Variants in CCSER1 observed in about 807,000 individuals in gnomAD.
CCSER1 encodes the protein serine-rich coiled-coil domain-containing protein 1.
A neutral mutation model predicts 82.0 loss-of-function variants in CCSER1; 41 were observed. That is an observed-to-expected ratio of 0.50 (90% CI 0.39 to 0.65). The LOEUF is 0.65. Ranked by LOEUF, CCSER1 falls within the 30% of genes least tolerant of loss-of-function variation. The pLI is 0.00. For synonymous variants in CCSER1, 414 were observed against 383.9 expected, an observed-to-expected ratio of 1.08 and a Z score of -0.92; for missense variants, 1,119 against 1,064.2, an observed-to-expected ratio of 1.05 and a Z score of -0.72.
intron 10 of CCSER1, among the ~76,000 whole-genome samples, chr4:91,196,120 G>T (rs75246632): frequency 2.0e-5 from 3 of 150,916 alleles, no homozygotes; most frequent in Non-Finnish European, 4.4e-5. Flanking sequence ...CCGGGAGGCG[G>T]AGCTTGCAGT....
intron 10 of CCSER1, among the ~76,000 whole-genome samples, chr4:91,363,859 G>T (rs1462113773): frequency 6.6e-6 from 1 of 151,670 alleles, no homozygotes; most frequent in Non-Finnish European, 1.5e-5. Flanking sequence ...ATTACTTTTA[G>T]TTTGAGGTTT....
chr4:91,342,564 A>G (rs1249185862), intron 10 of CCSER1, among the ~76,000 whole-genome samples: 4 of 152,110 alleles, frequency 2.6e-5, no homozygotes, highest in Admixed American at 2.6e-4. Flanking sequence ...CTGGCATATC[A>G]TGTTCTGTGT....
At position 91,200,251 on chromosome 4, in the gene CCSER1, A is replaced by T. The variant is rs180969951; in HGVS notation, c.2217+114257A>T. On this transcript the variant is annotated intron_variant, in intron 10 of 10. Coordinates refer to ENST00000509176, the MANE Select transcript of CCSER1 (RefSeq NM_001145065.2). ...TCAAATTATTTTATATTTAACAAATAAAGTTATATGTTATTGATTATTTAA... is the reference window on the plus strand; with the variant it reads ...TCAAATTATTTTATATTTAACAAATTAAGTTATATGTTATTGATTATTTAA... Among the ~76,000 whole-genome samples, 5 of 152,248 alleles carry T rather than the reference A, an allele frequency of 3.3e-5. No individual in the cohort carries two copies. The East Asian group carries it at 9.6e-4, about 29-fold the overall frequency.
In CCSER1 at chr4:91,225,198, A is replaced by C. The variant is rs60150057; in HGVS notation, c.2217+139204A>C. On this transcript the variant is annotated intron_variant, in intron 10 of 10. Transcript: ENST00000509176. ...TGTATATATGTATATAATTATATAT[A>C]ATATATATAATATATAATTGTATAC... is the stretch of plus-strand genomic sequence containing the variant. Among the ~76,000 whole-genome samples, 895 of 142,538 alleles carry C rather than the reference A, an allele frequency of 6.3e-3. 12 individuals are homozygous for C. The highest frequency in any genetic ancestry group is 0.021 in the African/African-American group (832 of 39,384). The allele number at this position is 142,538 out of a possible 152,430, so 93.5% of individuals were successfully genotyped here.
chr4:90,864,841 C>A (rs1179880972), intron 8 of CCSER1, among the ~76,000 whole-genome samples: 5 of 152,006 alleles, frequency 3.3e-5, no homozygotes, highest in African/African-American at 1.2e-4. Flanking sequence ...TATGCTATGT[C>A]TAGCATTCTT....
At chr4:91,269,101 T>C (rs1741833648) in intron 10 of CCSER1, among the ~76,000 whole-genome samples, 1 of 152,230 alleles carries the variant, frequency 6.6e-6, no homozygotes, top group Non-Finnish European at 1.5e-5. Context: ...CTGTACACTG[T>C]CTGGTTTGAT....
chr4:90,395,636 A>G (rs532523393), intron 3 of CCSER1, among the ~76,000 whole-genome samples: 2 of 148,192 alleles, frequency 1.3e-5, no homozygotes, highest in African/African-American at 4.9e-5. Context: ...TTACAATTAA[A>G]CTCTACTTGC....
intron 1 of CCSER1, among the ~76,000 whole-genome samples, chr4:90,265,092 C>T (rs557408131): frequency 7.9e-5 from 12 of 151,768 alleles, no homozygotes; most frequent in East Asian, 3.9e-4. Context: ...TTTAATTTTG[C>T]GAGATACAGA....
At chr4:91,545,268 G>T (rs56390334) in intron 10 of CCSER1, among the ~76,000 whole-genome samples, 7,937 of 152,096 alleles carry the variant, frequency 0.052, 228 homozygotes, top group Middle Eastern at 0.078. Flanking sequence ...CTGACCCCTT[G>T]CACTTCCTGG....
intron 8 of CCSER1, among the ~76,000 whole-genome samples, chr4:90,896,714 G>T (rs570101949): frequency 5.3e-4 from 80 of 151,956 alleles, no homozygotes; most frequent in African/African-American, 1.8e-3. Context: ...TTTATTTCTA[G>T]TGACATTTTT....
intron 10 of CCSER1, among the ~76,000 whole-genome samples, chr4:91,142,497 G>T (rs1729134422): frequency 6.6e-6 from 1 of 152,054 alleles, no homozygotes; most frequent in South Asian, 2.1e-4. Context: ...TTTTGTTTTT[G>T]TTGTGATTGC....
intron 7 of CCSER1, among the ~76,000 whole-genome samples, chr4:90,796,581 T>C (rs1756072916): frequency 1.3e-5 from 2 of 152,140 alleles, no homozygotes; most frequent in Non-Finnish European, 2.9e-5. Context: ...TGTTAGGTTG[T>C]TAACTTGAGA....
chr4:91,603,238 T>G lies in CCSER1; in HGVS notation c.*4181T>G, dbSNP rs979802058. ...AAAACAGCTCTCTTCTTTAATAATA[T>G]TCATCATTGCCAAATGTTTATTTTT... On this transcript the variant is annotated 3_prime_UTR_variant, in exon 11 of 11. Transcript: ENST00000509176. The G allele has an allele frequency of 6.6e-6, 1 of 152,132 alleles. No individual in the cohort carries two copies. The highest frequency in any genetic ancestry group is 1.5e-5 in the Non-Finnish European group (1 of 67,990). 9.4% of individuals were successfully genotyped at this position (152,132 alleles called of 1,614,324 possible).
intron 10 of CCSER1, among the ~76,000 whole-genome samples, chr4:91,186,797 C>G (rs9994334): frequency 0.93 from 142,200 of 152,342 alleles, 66,434 homozygotes; most frequent in African/African-American, 0.96. Flanking sequence ...GCAGGTGCAT[C>G]TCCTTAAGGC....
chr4:90,715,755 T>A (rs1260274556), intron 6 of CCSER1, among the ~76,000 whole-genome samples: 1 of 152,060 alleles, frequency 6.6e-6, no homozygotes, highest in Non-Finnish European at 1.5e-5. Context: ...CTTATGTGGA[T>A]GTGTATACTG....
chr4:90,745,771 G>C (rs1261604730), intron 7 of CCSER1, among the ~76,000 whole-genome samples: 2 of 135,018 alleles, frequency 1.5e-5, no homozygotes, highest in Non-Finnish European at 3.1e-5. Flanking sequence ...CTCACTGCAA[G>C]CTCCGCCTCC....
In CCSER1 at chr4:90,353,012, G is replaced by A. The variant is rs183837442; in HGVS notation, c.1509+39965G>A. 3.6e-4 allele frequency among the ~76,000 whole-genome samples: 55 copies of A among 152,102 alleles called. 1 individual carries two copies. The highest frequency in any genetic ancestry group is 3.5e-3 in the Admixed American group (53 of 15,270). On this transcript the variant is annotated intron_variant, in intron 3 of 10. Coordinates refer to ENST00000509176, the MANE Select transcript of CCSER1 (RefSeq NM_001145065.2). ...CTGAGGAAATATTAGCAATCATCAGGCATTCTAATAAGTGATACAAGTGGA... is the reference window on the plus strand; with the variant it reads ...CTGAGGAAATATTAGCAATCATCAGACATTCTAATAAGTGATACAAGTGGA...
At chr4:90,285,235 A>G (rs1429887532) in intron 1 of CCSER1, among the ~76,000 whole-genome samples, 4 of 152,030 alleles carry the variant, frequency 2.6e-5, no homozygotes, top group Admixed American at 2.6e-4. Flanking sequence ...TTCTTCAAGT[A>G]ATATGGGCAT....
chr4:91,038,177 T>C (rs2150571359), intron 9 of CCSER1, among the ~76,000 whole-genome samples: 1 of 152,334 alleles, frequency 6.6e-6, no homozygotes, highest in Admixed American at 6.5e-5. Context: ...TCTGTGTACA[T>C]GAGCAGTAAG....
Sources: allele counts gnomAD v4.1 joint callset (sites outside exome capture counted in the v4.1 genomes callset), GRCh38; gene constraint gnomAD v4.1.1; transcripts MANE v1.5; gene names NCBI Gene and HGNC (gene_info 2026-07-23, HGNC 2026-07-21).